SOS2: variants seen among roughly 807,000 people sequenced by gnomAD.
SOS2 encodes the protein son of sevenless homolog 2.
Under a neutral mutation model 148.2 loss-of-function variants are expected in SOS2, and 65 were observed. The observed-to-expected ratio is 0.44, with a 90% CI of 0.36 to 0.54. The LOEUF (loss-of-function observed/expected upper bound fraction) is 0.54. Ranked by LOEUF, SOS2 falls within the 20% of genes least tolerant of loss-of-function variation. The probability of loss-of-function intolerance (pLI) is 0.00; values close to 1 mark genes in which losing one functional copy is unlikely to be tolerated. For missense variants in SOS2, 1,341 were observed against 1,590.2 expected, an observed-to-expected ratio of 0.84 and a Z score of 2.67; for synonymous variants, 539 against 537.1, an observed-to-expected ratio of 1.00 and a Z score of -0.05.
rs746664310 is a variant in SOS2 at position 50,150,201 on chromosome 14, T to C, written c.2191A>G (p.Ile731Val). 8 of 1,612,406 alleles carry C rather than the reference T, an allele frequency of 5.0e-6. No homozygotes were observed. In the African/African-American group the frequency reaches 6.7e-5, roughly 13 times the overall value. Residue 731 changes from isoleucine (I) to valine (V), a missense_variant, in exon 14 of 23, where the codon ATT becomes GTT. Ile to Val is a conservative substitution (Grantham distance 29). Coordinates refer to ENST00000216373, the MANE Select transcript of SOS2 (RefSeq NM_006939.4). Reference protein sequence around the residue: ...GKAMKKWVESIAKIIRRKKQA... With the variant: ...GKAMKKWVESVAKIIRRKKQA... The stretch of plus-strand genomic sequence containing the variant: ...TTCTTCCTCCTGATGATCTTAGCAA[T>C]TGACTCTACCCATTTTTTCATAGCT...
chr14:50,223,270 T>C (rs1186410438), intron 1 of SOS2, among the ~76,000 whole-genome samples: 4 of 152,138 alleles, frequency 2.6e-5, no homozygotes, highest in Non-Finnish European at 5.9e-5. Flanking sequence ...GTGTGGTGCT[T>C]CATGCCTGTA....
rs1396802648 is a variant in SOS2 at position 50,181,912 on chromosome 14, CTTTAAG to C, written c.858+545_858+550del. Among the ~76,000 whole-genome samples, 4 of 150,410 alleles carry C rather than the reference CTTTAAG, an allele frequency of 2.7e-5. No homozygotes were observed. The South Asian group carries it at 6.3e-4, about 24-fold the overall frequency. On this transcript the variant is annotated intron_variant, in intron 6 of 22. Coordinates refer to ENST00000216373, the MANE Select transcript of SOS2 (RefSeq NM_006939.4). ...AAAATAATATAAAGCTTCTTTCCAACTTTAAGTTTAAAATCCATAGAAGGTAAAGAG... is the reference window on the plus strand; with the variant it reads ...AAAATAATATAAAGCTTCTTTCCAACTTTAAAATCCATAGAAGGTAAAGAG...
intron 4 of SOS2, among the ~76,000 whole-genome samples, chr14:50,195,588 C>A (rs918866388): frequency 5.3e-5 from 8 of 152,082 alleles, no homozygotes; most frequent in African/African-American, 1.9e-4. Flanking sequence ...ATAGCAAGAC[C>A]CCATTCCTAC....
At chr14:50,197,401 G>A (rs534094380) in intron 4 of SOS2, among the ~76,000 whole-genome samples, 5 of 152,284 alleles carry the variant, frequency 3.3e-5, no homozygotes, top group African/African-American at 1.2e-4. Flanking sequence ...GAAATCATGT[G>A]CCTGTGTGCC....
At chr14:50,145,835 A>G (rs1327351691) in intron 14 of SOS2, among the ~76,000 whole-genome samples, 1 of 152,180 alleles carries the variant, frequency 6.6e-6, no homozygotes, top group African/African-American at 2.4e-5. Context: ...TTAGATGAAC[A>G]AAAGTCTGAT....
chr14:50,144,842 T>C (rs1206788946), intron 16 of SOS2, among the ~76,000 whole-genome samples: 1 of 152,194 alleles, frequency 6.6e-6, no homozygotes, highest in African/African-American at 2.4e-5. Context: ...CCTTTGTCAT[T>C]TGAGACTATC....
At position 50,204,426 on chromosome 14, in the gene SOS2, T is replaced by C. The variant is rs776823815; in HGVS notation, c.88-17A>G. The C allele has an allele frequency of 1.5e-5, 23 of 1,492,792 alleles. No individual in the cohort carries two copies. Among genetic ancestry groups the C allele is most frequent in the Non-Finnish European group, 1.9e-5 (21 of 1,090,934 alleles). 92.5% of individuals were successfully genotyped at this position (1,492,792 alleles called of 1,614,324 possible). ...TTCCTGAACCTTTAAAAAAAAGTTA[T>C]CAGTTAAAGTAATGGCAAAATAATA... On this transcript the variant is annotated splice_polypyrimidine_tract_variant and intron_variant, in intron 1 of 22. Transcript: ENST00000216373.
chr14:50,187,034 C>T (rs1433781314), intron 5 of SOS2, among the ~76,000 whole-genome samples: 9 of 151,962 alleles, frequency 5.9e-5, no homozygotes, highest in South Asian at 4.1e-4. Context: ...TTTTTTGAGC[C>T]GAGGTCTTGC....
chr14:50,164,611 A>C (rs1885114690), intron 8 of SOS2, among the ~76,000 whole-genome samples: 2 of 151,670 alleles, frequency 1.3e-5, no homozygotes, highest in Non-Finnish European at 2.9e-5. Context: ...AGCCTGGGTG[A>C]TAAGGCGAGA....
In SOS2 at chr14:50,185,479, G is replaced by A. The variant is rs1348575677; in HGVS notation, c.715-2873C>T. Among the ~76,000 whole-genome samples, 5 of 152,038 alleles carry A rather than the reference G, an allele frequency of 3.3e-5. No individual in the cohort carries two copies. In the East Asian group the frequency reaches 5.8e-4, roughly 18 times the overall value. On this transcript the variant is annotated intron_variant, in intron 5 of 22. Transcript: ENST00000216373. ...AGTCAAGGTGGGTGGATCACCTAAC[G>A]TCAGGATTTCGAGACCAGCCTGGCC...
At chr14:50,208,062 G>A (rs1187695798) in intron 1 of SOS2, among the ~76,000 whole-genome samples, 1 of 152,084 alleles carries the variant, frequency 6.6e-6, no homozygotes, top group African/African-American at 2.4e-5. Context: ...TTAGGAGGCC[G>A]AGGCGGGTGG....
intron 7 of SOS2, among the ~76,000 whole-genome samples, chr14:50,175,007 C>A (rs192468194): frequency 6.6e-6 from 1 of 152,320 alleles, no homozygotes; most frequent in East Asian, 1.9e-4. Context: ...TGAAAAACGT[C>A]TGTCATACAA....
intron 1 of SOS2, among the ~76,000 whole-genome samples, chr14:50,219,352 G>T (rs980291318): frequency 6.6e-6 from 1 of 152,052 alleles, no homozygotes; most frequent in Non-Finnish European, 1.5e-5. Context: ...CAATAAAAAG[G>T]AATGAACTAT....
intron 21 of SOS2, among the ~76,000 whole-genome samples, chr14:50,122,436 C>T (rs906609216): frequency 1.6e-5 from 2 of 123,784 alleles, no homozygotes; most frequent in South Asian, 2.5e-4. Flanking sequence ...CGCTCTGTCG[C>T]CCAGGCTGGA....
intron 4 of SOS2, among the ~76,000 whole-genome samples, chr14:50,196,131 T>C (rs1204687975): frequency 6.6e-6 from 1 of 152,204 alleles, no homozygotes; most frequent in East Asian, 1.9e-4. Flanking sequence ...CAGAGTAGAA[T>C]GTGGTTACCA....
At chr14:50,147,512 TAA>T (rs60438147) in intron 14 of SOS2, among the ~76,000 whole-genome samples, 32,608 of 105,422 alleles carry the variant, frequency 0.31, 4,549 homozygotes, top group Admixed American at 0.42. Context: ...ACCCTGTTTC[TAA>T]AAAAAAAAAA....
At chr14:50,223,783 GT>G (rs1887271107) in intron 1 of SOS2, among the ~76,000 whole-genome samples, 1 of 152,122 alleles carries the variant, frequency 6.6e-6, no homozygotes, top group Admixed American at 6.5e-5. Flanking sequence ...AGCCCAGGAG[GT>G]TAAGGCTATA....
At chr14:50,187,202 G>C (rs1213758974) in intron 5 of SOS2, among the ~76,000 whole-genome samples, 1 of 151,984 alleles carries the variant, frequency 6.6e-6, no homozygotes, top group Non-Finnish European at 1.5e-5. Context: ...TGTAGAGACT[G>C]GGTCTTGCTC....
At chr14:50,175,144 C>A (rs1006903353) in intron 7 of SOS2, among the ~76,000 whole-genome samples, 1 of 152,162 alleles carries the variant, frequency 6.6e-6, no homozygotes, top group African/African-American at 2.4e-5. Flanking sequence ...GGATTAGAAG[C>A]CTCTGGAGGA....
Sources: allele counts gnomAD v4.1 joint callset (sites outside exome capture counted in the v4.1 genomes callset), GRCh38; gene constraint gnomAD v4.1.1; transcripts MANE v1.5; gene names NCBI Gene and HGNC (gene_info 2026-07-23, HGNC 2026-07-21).